The following FBN3 variants were observed in gnomAD, a reference collection of about 807,000 sequenced individuals.
FBN3 encodes fibrillin-3.
FBN3 carries 234 observed loss-of-function variants against 330.1 expected under a neutral mutation model. The observed-to-expected ratio is 0.71, with a 90% CI of 0.64 to 0.79. The LOEUF (loss-of-function observed/expected upper bound fraction) is 0.79. FBN3 is among the 30% of genes least tolerant of loss of function. The pLI, the probability that FBN3 is intolerant of heterozygous loss-of-function variation, is 0.00. For synonymous variants in FBN3, 1,458 were observed against 1,517.3 expected (o/e 0.96, Z 0.91); for missense variants, 3,606 against 3,886.9 (o/e 0.93, Z 1.92).
intron 37 of FBN3, among the ~76,000 whole-genome samples, chr19:8,106,804 G>A (rs1431627446): frequency 6.6e-6 from 1 of 150,478 alleles, no homozygotes; most frequent in African/African-American, 2.4e-5. Flanking sequence ...GATGAATGGG[G>A]GAATAGAAAG....
chr19:8,096,894 G>A lies in FBN3; in HGVS notation c.5400C>T (p.Gly1800=), dbSNP rs200406590. ...KCTRGYKLSP[G]GACVGRNECR... is the part of the protein sequence containing the mutation. ...GACCCTGCTCACCCACACAAGCCCC[G>A]CCTGGCGACAGTTTGTACCCTCGGG... Residue 1800 remains glycine (G), a synonymous_variant, in exon 43 of 64, where the codon GGC becomes GGT. Transcript: ENST00000600128. The surrounding 1 kb of genome is among the most constrained non-coding windows in gnomAD (Gnocchi z 4.6). 5.9e-5 allele frequency: 95 copies of A among 1,613,172 alleles called. 1 individual carries two copies. The highest frequency in any genetic ancestry group is 2.5e-4 in the Admixed American group (15 of 59,992).
At chr19:8,085,772 G>C (rs2081929807) in intron 55 of FBN3, among the ~76,000 whole-genome samples, 1 of 152,042 alleles carries the variant, frequency 6.6e-6, no homozygotes, top group Admixed American at 6.5e-5. Flanking sequence ...GGGGAAGGTT[G>C]GTTCCGGGGT....
At chr19:8,090,052 G>A (rs1568378960) in intron 49 of FBN3, 47 bp downstream of exon 49, 3 of 1,605,674 alleles carry the variant, frequency 1.9e-6, no homozygotes, top group Non-Finnish European at 1.7e-6. Flanking sequence ...GAGAGAGGAA[G>A]GTGAGGGCAC....
chr19:8,119,496 A>ATTCT (rs1274127217), intron 25 of FBN3, among the ~76,000 whole-genome samples: 3 of 151,450 alleles, frequency 2.0e-5, no homozygotes, highest in Admixed American at 6.6e-5. Context: ...CCCCCACTCC[A>ATTCT]TTCTTTCTTT....
At chr19:8,095,652 C>T (rs1389237106) in intron 45 of FBN3, 149 bp from the exon 46 acceptor site, 1 of 833,314 alleles carries the variant, frequency 1.2e-6, no homozygotes, top group Non-Finnish European at 1.9e-6. Flanking sequence ...AGCCTTCTAC[C>T]TATCTTATGA....
At chr19:8,071,441 C>A (rs139414038) in intron 63 of FBN3, among the ~76,000 whole-genome samples, 1 of 152,096 alleles carries the variant, frequency 6.6e-6, no homozygotes, top group African/African-American at 2.4e-5. Flanking sequence ...GGCCCTGGGG[C>A]TCCTAAGGGG....
rs1386587458 is a variant in FBN3, at chr19:8,129,387, T to TCAG, written c.2045-25_2045-23dup. The TCAG allele has an allele frequency of 2.5e-6, 4 of 1,612,270 alleles. No homozygotes were observed. Among genetic ancestry groups the TCAG allele is most frequent in the Admixed American group, 1.7e-5 (1 of 59,904 alleles). ...ATGTCTGCGGCAGGAGGAGGGTGTG[T>TCAG]CAGCAGCAGCAGAAGGAGGGTGTGT... On this transcript the variant is annotated intron_variant, in intron 16 of 63. Coordinates refer to ENST00000600128, the MANE Select transcript of FBN3 (RefSeq NM_032447.5). This position sits in a 1 kb window ranked among gnomAD's most constrained non-coding sequence, Gnocchi z 4.5.
Position 8,147,468 on chromosome 19 carries a change from C to T in FBN3, c.13G>A (p.Gly5Ser), listed in dbSNP as rs1420589815. The T allele has an allele frequency of 2.0e-6, 3 of 1,521,606 alleles. No homozygotes were observed. Among genetic ancestry groups the T allele is most frequent in the Middle Eastern group, 1.8e-4 (1 of 5,656 alleles). 94.3% of individuals were successfully genotyped at this position (1,521,606 alleles called of 1,614,324 possible). The change falls in exon 2 of 64, where the codon GGT becomes AGT. Residue 5 changes from glycine to serine, a missense_variant. Coordinates refer to ENST00000600128, the MANE Select transcript of FBN3 (RefSeq NM_032447.5). MTLE[G>S]LYLARGPLAR... ...AGGGGGCCCCTTGCCAAATACAGAC[C>T]CTCCAGAGTCATGGCGTGTCCCCTG...
chr19:8,145,945 A>C lies in FBN3; in HGVS notation c.350-7T>G. ...CTCACACTGCACCCTGACCCTGGGG[A>C]CAGGAAGGCAGGACGCATAGTAATG... On this transcript the variant is annotated splice_polypyrimidine_tract_variant and splice_region_variant and intron_variant, in intron 4 of 63. Coordinates refer to ENST00000600128, the MANE Select transcript of FBN3 (RefSeq NM_032447.5). 1 of 1,549,308 alleles carries C rather than the reference A, an allele frequency of 6.5e-7. No homozygotes were observed. The highest frequency in any genetic ancestry group is 8.7e-7 in the Non-Finnish European group (1 of 1,145,310).
Position 8,123,935 on chromosome 19 carries a change from C to G in FBN3, c.2805G>C (p.Arg935=). ...CGATGGAGCAGCAGCAGACGTCCATCCGGTACTTGCCAGGCAGGGTGACCC... is the reference window on the plus strand; with the variant it reads ...CGATGGAGCAGCAGCAGACGTCCATGCGGTACTTGCCAGGCAGGGTGACCC... ...ECGVTLPGKY[R]MDVCCCSIGA... The change falls in exon 23 of 64, where the codon CGG becomes CGC. Residue 935 remains arginine (R), a synonymous_variant. Coordinates refer to ENST00000600128, the MANE Select transcript of FBN3 (RefSeq NM_032447.5). The G allele has an allele frequency of 6.2e-7, 1 of 1,614,124 alleles. No individual in the cohort carries two copies. Among genetic ancestry groups the G allele is most frequent in the Non-Finnish European group, 8.5e-7 (1 of 1,180,032 alleles).
intron 13 of FBN3, 144 bp from the exon 14 acceptor site, chr19:8,133,250 G>T: frequency 9.2e-7 from 1 of 1,088,308 alleles, no homozygotes; most frequent in Admixed American, 3.1e-5. Flanking sequence ...GTGACTGTGT[G>T]AGCTTGTATA....
intron 6 of FBN3, among the ~76,000 whole-genome samples, chr19:8,143,257 G>A (rs985572933): frequency 6.6e-6 from 1 of 152,160 alleles, no homozygotes; most frequent in African/African-American, 2.4e-5. Flanking sequence ...AGCCCACGCC[G>A]CCATCTCAGC....
At chr19:8,099,008 C>A (rs914663766) in intron 41 of FBN3, among the ~76,000 whole-genome samples, 11 of 152,178 alleles carry the variant, frequency 7.2e-5, no homozygotes, top group African/African-American at 2.7e-4. Flanking sequence ...GGCTGCACAG[C>A]AGATAGTAAC....
intron 46 of FBN3, 49 bp downstream of exon 46, chr19:8,095,326 T>C: frequency 1.3e-6 from 2 of 1,581,406 alleles, no homozygotes; most frequent in South Asian, 1.2e-5. Context: ...GTGGTGTACA[T>C]GGAGCAGGGG....
intron 37 of FBN3, 100 bp downstream of exon 37, chr19:8,108,070 C>T: frequency 1.0e-6 from 1 of 992,514 alleles, no homozygotes; most frequent in Non-Finnish European, 1.5e-6. Context: ...TGCCCCATCC[C>T]AGGACAAAAC....
chr19:8,072,741 C>T (rs2081545442), intron 62 of FBN3, among the ~76,000 whole-genome samples: 1 of 151,964 alleles, frequency 6.6e-6, no homozygotes, highest in East Asian at 1.9e-4. Context: ...CACACACACA[C>T]ACGTGTGCAT....
chr19:8,100,372 C>T (rs1386907122), intron 41 of FBN3, among the ~76,000 whole-genome samples: 2 of 152,086 alleles, frequency 1.3e-5, no homozygotes, highest in African/African-American at 2.4e-5. Context: ...AAGTCTTACT[C>T]TATCCCTCAG....
At position 8,114,335 on chromosome 19, in the gene FBN3, C is replaced by T. The variant is rs369184447; in HGVS notation, c.3838+1180G>A. 8.4e-4 allele frequency among the ~76,000 whole-genome samples: 128 copies of T among 152,182 alleles called. 1 individual carries two copies. The South Asian group carries it at 0.014, about 17-fold the overall frequency. On this transcript the variant is annotated intron_variant, in intron 30 of 63. Transcript: ENST00000600128. ...TGTGATCTTGGCTCACTGCAACCTC[C>T]GCCTCCTGGATTCAAGTGATGCTCC...
In FBN3 at chr19:8,132,774, G is replaced by A. The variant is rs371725010; in HGVS notation, c.1714+210C>T. Among the ~76,000 whole-genome samples the A allele has an allele frequency of 1.4e-4, 21 of 152,324 alleles. No homozygotes were observed. In the South Asian group the frequency reaches 4.2e-3, roughly 30 times the overall value. On this transcript the variant is annotated intron_variant, in intron 14 of 63. Transcript: ENST00000600128. ...CCCAAGGTGCTGGGACTACAGGCGT[G>A]AGCCACGGCACCTGCCTCTTCTTTT... is the stretch of plus-strand genomic sequence containing the variant.
Sources: gnomAD v4.1 joint callset for allele counts (sites outside exome capture counted in the v4.1 genomes callset) on GRCh38, gnomAD v4.1.1 for gene constraint, Gnocchi (gnomAD v3.1) non-coding constraint, MANE v1.5 for transcripts, NCBI Gene and HGNC (gene_info 2026-07-23, HGNC 2026-07-21) for gene names.